Variants in GPC5 observed in about 807,000 individuals in gnomAD.
GPC5 encodes the protein glypican 5.
Under a neutral mutation model 53.9 loss-of-function variants are expected in GPC5, and 47 were observed. The ratio of observed to expected loss-of-function variants is 0.87; its 90% CI spans 0.69 to 1.11. The LOEUF (loss-of-function observed/expected upper bound fraction) is 1.11. Among genes scored for constraint, GPC5 ranks in the 50% most tolerant of loss-of-function variants. GPC5 has a pLI of 0.00. For missense variants in GPC5, 748 were observed against 713.1 expected (o/e 1.05, Z -0.56); for synonymous variants, 286 against 263.3 (o/e 1.09, Z -0.84).
chr13:91,892,267 CT>C (rs768130872), intron 5 of GPC5, among the ~76,000 whole-genome samples: 3 of 151,746 alleles, frequency 2.0e-5, no homozygotes, highest in Non-Finnish European at 3.0e-5. Flanking sequence ...AAAATGTATT[CT>C]CTTTTCTTTT....
At chr13:92,068,153 G>T (rs373991941) in intron 6 of GPC5, among the ~76,000 whole-genome samples, 13 of 151,910 alleles carry the variant, frequency 8.6e-5, no homozygotes, top group African/African-American at 2.9e-4. Context: ...ATCACATGTA[G>T]ATTGAACCTT....
intron 6 of GPC5, among the ~76,000 whole-genome samples, chr13:92,070,457 G>A (rs2041201813): frequency 6.6e-6 from 1 of 152,086 alleles, no homozygotes; most frequent in Non-Finnish European, 1.5e-5. Flanking sequence ...ATCCTCAAGT[G>A]CCTACTCAAA....
chr13:92,393,226 A>G (rs931288880), intron 7 of GPC5, among the ~76,000 whole-genome samples: 2 of 152,216 alleles, frequency 1.3e-5, no homozygotes, highest in East Asian at 1.9e-4. Flanking sequence ...GCCATAAAAA[A>G]GAATGAGATC....
At chr13:91,901,225 A>T (rs1292341516) in intron 5 of GPC5, among the ~76,000 whole-genome samples, 1 of 152,078 alleles carries the variant, frequency 6.6e-6, no homozygotes, top group African/African-American at 2.4e-5. Context: ...AAGTTTAAAA[A>T]CATAGGTGTC....
intron 6 of GPC5, among the ~76,000 whole-genome samples, chr13:92,139,923 T>TGGTAAGTACTC (rs2041817787): frequency 6.6e-6 from 1 of 152,210 alleles, no homozygotes; most frequent in Admixed American, 6.5e-5. Context: ...GTCTACAATG[T>TGGTAAGTACTC]GGTAAGTACT....
intron 7 of GPC5, among the ~76,000 whole-genome samples, chr13:92,227,731 A>G (rs1399506166): frequency 6.6e-6 from 1 of 152,020 alleles, no homozygotes; most frequent in Non-Finnish European, 1.5e-5. Context: ...AAAAAAATTC[A>G]TGTATAACTT....
chr13:91,714,816 G>A (rs991530457), intron 3 of GPC5, among the ~76,000 whole-genome samples: 4 of 152,130 alleles, frequency 2.6e-5, no homozygotes, highest in Non-Finnish European at 2.9e-5. Flanking sequence ...AGGCTGGGAG[G>A]GTTTCTTGCT....
At chr13:92,269,084 T>G (rs1469405092) in intron 7 of GPC5, among the ~76,000 whole-genome samples, 1 of 152,132 alleles carries the variant, frequency 6.6e-6, no homozygotes, top group African/African-American at 2.4e-5. Context: ...TAGACGTTAT[T>G]CATAATTACT....
intron 5 of GPC5, among the ~76,000 whole-genome samples, chr13:91,777,178 A>T (rs1163200846): frequency 6.6e-6 from 1 of 152,160 alleles, no homozygotes; most frequent in Non-Finnish European, 1.5e-5. Flanking sequence ...ATTATTTGTC[A>T]TTTTCATTTA....
chr13:91,702,282 G>A (rs1015592255), intron 3 of GPC5, among the ~76,000 whole-genome samples: 1 of 152,026 alleles, frequency 6.6e-6, no homozygotes. Flanking sequence ...GATATGCATA[G>A]CATTTTAGCT....
At chr13:91,597,024 T>A (rs1165439331) in intron 2 of GPC5, among the ~76,000 whole-genome samples, 1 of 152,210 alleles carries the variant, frequency 6.6e-6, no homozygotes, top group East Asian at 1.9e-4. Context: ...TCAATAAATC[T>A]TCCTGGCTCT....
intron 2 of GPC5, among the ~76,000 whole-genome samples, chr13:91,657,240 G>T (rs2034868381): frequency 6.6e-6 from 1 of 152,118 alleles, no homozygotes; most frequent in East Asian, 1.9e-4. Flanking sequence ...ACTTGTTTTA[G>T]GAAAGCTGCT....
intron 2 of GPC5, among the ~76,000 whole-genome samples, chr13:91,515,615 C>T (rs1314021334): frequency 1.3e-5 from 2 of 152,320 alleles, no homozygotes; most frequent in South Asian, 2.1e-4. Context: ...TTCTATGGTA[C>T]ATGAGTCAAA....
intron 7 of GPC5, among the ~76,000 whole-genome samples, chr13:92,196,760 T>G (rs1034742842): frequency 3.9e-5 from 6 of 151,946 alleles, no homozygotes; most frequent in Non-Finnish European, 8.8e-5. Flanking sequence ...GCAGGGTAAC[T>G]GGGAGAGCTT....
chr13:91,536,329 G>T (rs771987602), intron 2 of GPC5, among the ~76,000 whole-genome samples: 2 of 152,156 alleles, frequency 1.3e-5, no homozygotes, highest in Non-Finnish European at 2.9e-5. Context: ...TGAGCTTTGT[G>T]AACTTCCCCT....
intron 7 of GPC5, among the ~76,000 whole-genome samples, chr13:92,427,575 TAAC>T (rs904637934): frequency 6.6e-6 from 1 of 151,936 alleles, no homozygotes; most frequent in Non-Finnish European, 1.5e-5. Context: ...AAATGTCTAA[TAAC>T]GGGATTAAAC....
At chr13:92,714,333 C>A (rs1888254179) in intron 7 of GPC5, among the ~76,000 whole-genome samples, 1 of 152,132 alleles carries the variant, frequency 6.6e-6, no homozygotes, top group African/African-American at 2.4e-5. Flanking sequence ...GTTGATAGAT[C>A]ATCAGAAGCT....
intron 7 of GPC5, among the ~76,000 whole-genome samples, chr13:92,524,434 G>A (rs1481916558): frequency 6.6e-6 from 1 of 152,094 alleles, no homozygotes; most frequent in African/African-American, 2.4e-5. Flanking sequence ...TCTATGTTCA[G>A]TACAGACAGA....
At chr13:91,720,547 G>A (rs975888226) in intron 3 of GPC5, among the ~76,000 whole-genome samples, 5 of 152,060 alleles carry the variant, frequency 3.3e-5, no homozygotes, top group African/African-American at 9.7e-5. Context: ...CCAAGAATCA[G>A]TCTTCAGCAC....
Sources: gnomAD v4.1 joint callset for allele counts (sites outside exome capture counted in the v4.1 genomes callset) on GRCh38, gnomAD v4.1.1 for gene constraint, MANE v1.5 for transcripts, NCBI Gene and HGNC (gene_info 2026-07-23, HGNC 2026-07-21) for gene names.